GRAMD1B: variants seen among roughly 807,000 people sequenced by gnomAD.
GRAMD1B encodes GRAM domain containing 1B, also known as protein Aster-B.
A neutral mutation model predicts 99.7 loss-of-function variants in GRAMD1B; 37 were observed. The ratio of observed to expected loss-of-function variants is 0.37; its 90% confidence interval spans 0.29 to 0.49. The LOEUF is 0.49. Among genes scored for constraint, GRAMD1B ranks in the 20% least tolerant of loss-of-function variants. The pLI, the probability that GRAMD1B is intolerant of heterozygous loss-of-function variation, is 0.98. For missense variants in GRAMD1B, 888 were observed against 1,009.2 expected (o/e 0.88, Z 1.63); for synonymous variants, 427 against 387.6 (o/e 1.10, Z -1.19).
At chr11:123,538,882 G>T (rs1005511421) in intron 2 of GRAMD1B, among the ~76,000 whole-genome samples, 4 of 152,026 alleles carry the variant, frequency 2.6e-5, no homozygotes, top group Admixed American at 2.6e-4. Flanking sequence ...ACCCACCTCA[G>T]CCTCCTAAAG....
At chr11:123,372,929 C>A (rs1946575230) in intron 1 of GRAMD1B, among the ~76,000 whole-genome samples, 1 of 152,030 alleles carries the variant, frequency 6.6e-6, no homozygotes, top group South Asian at 2.1e-4. Flanking sequence ...CACTTGACGC[C>A]AGGAGATCAA....
chr11:123,556,937 C>A (rs1946241520), intron 2 of GRAMD1B, among the ~76,000 whole-genome samples: 2 of 152,206 alleles, frequency 1.3e-5, no homozygotes, highest in Non-Finnish European at 2.9e-5. Flanking sequence ...AAGGCCCATG[C>A]CTTCCTAATG....
intron 2 of GRAMD1B, among the ~76,000 whole-genome samples, chr11:123,574,405 G>A (rs2136195064): frequency 6.6e-6 from 1 of 152,300 alleles, no homozygotes; most frequent in Middle Eastern, 3.4e-3. Flanking sequence ...ACAGCTGTGA[G>A]TGAGTAGGAA....
At position 123,591,556 on chromosome 11, in the gene GRAMD1B, C is replaced by T; in HGVS notation, c.685-2526C>T. On this transcript the variant is annotated intron_variant, in intron 4 of 19. Transcript: ENST00000635736. The surrounding 1 kb of genome is among the most constrained non-coding windows in gnomAD (Gnocchi z 4.7). ...AAATCCCAGCCGTGAGTGTGTGACT[C>T]AGTTTCTCTGAGTCTCTGTGGTAGT... is the stretch of plus-strand genomic sequence containing the variant. The T allele has an allele frequency of 5.0e-6, 2 of 398,866 alleles. No individual in the cohort carries two copies. The highest frequency in any genetic ancestry group is 4.4e-5 in the Admixed American group (1 of 22,736). 24.7% of individuals were successfully genotyped at this position (398,866 alleles called of 1,614,324 possible).
intron 2 of GRAMD1B, among the ~76,000 whole-genome samples, chr11:123,521,659 C>T (rs976519171): frequency 4.6e-5 from 7 of 152,212 alleles, no homozygotes; most frequent in Admixed American, 1.3e-4. Context: ...GGAGATTATT[C>T]TTCCTCCTTT....
intron 1 of GRAMD1B, among the ~76,000 whole-genome samples, chr11:123,444,990 C>G (rs1278816773): frequency 6.6e-6 from 1 of 152,170 alleles, no homozygotes; most frequent in Non-Finnish European, 1.5e-5. Context: ...CAGGTATTAT[C>G]TATGGGGCTC....
chr11:123,498,181 C>T (rs1939509618), intron 2 of GRAMD1B, among the ~76,000 whole-genome samples: 1 of 152,038 alleles, frequency 6.6e-6, no homozygotes, highest in Non-Finnish European at 1.5e-5. Flanking sequence ...GACCACGAGC[C>T]TTGAACTGGA....
chr11:123,485,017 C>T (rs982078567), intron 2 of GRAMD1B, among the ~76,000 whole-genome samples: 4 of 152,176 alleles, frequency 2.6e-5, no homozygotes, highest in East Asian at 1.9e-4. Flanking sequence ...CTGTGAATGG[C>T]GGCATTTCCT....
At chr11:123,573,974 G>A (rs1258598408) in intron 2 of GRAMD1B, among the ~76,000 whole-genome samples, 1 of 151,988 alleles carries the variant, frequency 6.6e-6, no homozygotes, top group Non-Finnish European at 1.5e-5. Context: ...CTTCATACCA[G>A]GCTATGTGCT....
chr11:123,467,693 G>A (rs1950759838), intron 1 of GRAMD1B, among the ~76,000 whole-genome samples: 1 of 152,118 alleles, frequency 6.6e-6, no homozygotes, highest in Non-Finnish European at 1.5e-5. Flanking sequence ...CATAGTTGGT[G>A]GAAACATGGA....
At chr11:123,521,023 T>C (rs1487489291) in intron 2 of GRAMD1B, among the ~76,000 whole-genome samples, 2 of 152,190 alleles carry the variant, frequency 1.3e-5, no homozygotes, top group Non-Finnish European at 2.9e-5. Context: ...TGTTTTGCTT[T>C]TGCTGTTACA....
rs1955527235 is a variant in GRAMD1B at position 123,626,712 on chromosome 11, T to C, written c.*4117T>C. 6.6e-6 allele frequency: 1 copy of C among 152,296 alleles called. No individual in the cohort carries two copies. The highest frequency in any genetic ancestry group is 2.4e-5 in the African/African-American group (1 of 41,428). 9.4% of individuals were successfully genotyped at this position (152,296 alleles called of 1,614,324 possible). On this transcript the variant is annotated 3_prime_UTR_variant, in exon 20 of 20. Coordinates refer to ENST00000635736, the MANE Select transcript of GRAMD1B (RefSeq NM_001387025.1). ...CACTTGTCTCTAGGCTATGGGACAA[T>C]CATCCCATTCACCACTTGACATCCT... is the stretch of plus-strand genomic sequence containing the variant.
At chr11:123,365,722 A>T (rs1169927062) in intron 1 of GRAMD1B, among the ~76,000 whole-genome samples, 1 of 152,226 alleles carries the variant, frequency 6.6e-6, no homozygotes, top group South Asian at 2.1e-4. Flanking sequence ...TTCAGAACAG[A>T]GAAATAGCCT....
chr11:123,405,243 C>T (rs1947815787), intron 1 of GRAMD1B, among the ~76,000 whole-genome samples: 2 of 151,190 alleles, frequency 1.3e-5, no homozygotes, highest in Non-Finnish European at 3.0e-5. Context: ...AGAGAGACTG[C>T]CTACAGCCTT....
chr11:123,584,257 T>TC, intron 3 of GRAMD1B, 55 bp from the exon 4 acceptor site: 4 of 882,330 alleles, frequency 4.5e-6, no homozygotes, highest in Non-Finnish European at 7.0e-6. Context: ...CCCTGGCCCT[T>TC]CCCCCCATTT....
At position 123,626,779 on chromosome 11, in the gene GRAMD1B, GC is replaced by G. The variant is rs1955530068; in HGVS notation, c.*4188del. 6.6e-6 allele frequency: 1 copy of G among 152,222 alleles called. No individual in the cohort carries two copies. The highest frequency in any genetic ancestry group is 1.5e-5 in the Non-Finnish European group (1 of 68,102). 9.4% of individuals were successfully genotyped at this position (152,222 alleles called of 1,614,324 possible). A position where few individuals can be genotyped will look rare whatever the true frequency, so the allele number is the denominator to read the frequency against. On this transcript the variant is annotated 3_prime_UTR_variant, in exon 20 of 20. Coordinates refer to ENST00000635736, the MANE Select transcript of GRAMD1B (RefSeq NM_001387025.1). ...CATTCCCCCAACCTCCAGCAGGTTGGCCCCAATCCTCTTCACCTCTGTGTTT... is the reference window on the plus strand; with the variant it reads ...CATTCCCCCAACCTCCAGCAGGTTGGCCCAATCCTCTTCACCTCTGTGTTT...
At chr11:123,477,603 G>A (rs144457214) in intron 1 of GRAMD1B, among the ~76,000 whole-genome samples, 1,213 of 108,148 alleles carry the variant, frequency 0.011, 18 homozygotes, top group African/African-American at 0.041. Context: ...CCTCCCTCCC[G>A]TCTCCCTTCC....
At chr11:123,433,081 C>T (rs1353797374) in intron 1 of GRAMD1B, among the ~76,000 whole-genome samples, 6 of 151,956 alleles carry the variant, frequency 3.9e-5, no homozygotes, top group Admixed American at 1.3e-4. Flanking sequence ...AGGCCAGGGG[C>T]GGTGGCTAAT....
chr11:123,520,648 G>A (rs1942110592), intron 2 of GRAMD1B, among the ~76,000 whole-genome samples: 1 of 151,362 alleles, frequency 6.6e-6, no homozygotes, highest in Admixed American at 6.6e-5. Flanking sequence ...GCATGGTGGT[G>A]CGTGTCTGCA....
Sources: allele counts gnomAD v4.1 joint callset (sites outside exome capture counted in the v4.1 genomes callset), GRCh38; gene constraint gnomAD v4.1.1; non-coding constraint Gnocchi (gnomAD v3.1); transcripts MANE v1.5; gene names NCBI Gene and HGNC (gene_info 2026-07-23, HGNC 2026-07-21).